Variants in GABRG2 observed in about 807,000 individuals in gnomAD.
GABRG2 encodes gamma-aminobutyric acid receptor subunit gamma-2.
A neutral mutation model predicts 56.4 loss-of-function variants in GABRG2; 16 were observed. The ratio of observed to expected loss-of-function variants is 0.28; its 90% CI spans 0.19 to 0.43. GABRG2 has a LOEUF of 0.43. Among genes scored for constraint, GABRG2 ranks in the 20% least tolerant of loss-of-function variants. The pLI, the probability that GABRG2 is intolerant of heterozygous loss-of-function variation, is 1.00. For missense variants in GABRG2, 327 were observed against 582.7 expected (o/e 0.56, Z 4.52); for synonymous variants, 208 against 205.5 (o/e 1.01, Z -0.10).
chr5:162,092,035 G>A (rs1760641348), intron 1 of GABRG2, among the ~76,000 whole-genome samples: 1 of 152,066 alleles, frequency 6.6e-6, no homozygotes, highest in Non-Finnish European at 1.5e-5. Flanking sequence ...TTATTGGAGG[G>A]ATTTGAAAAT....
chr5:162,081,897 A>G lies in GABRG2; in HGVS notation c.108-11931A>G, dbSNP rs574390568. ...CATACACCTAACATATTACACAGTAATTCCATGCCTAAATATTTACATGGG... is the reference window on the plus strand; with the variant it reads ...CATACACCTAACATATTACACAGTAGTTCCATGCCTAAATATTTACATGGG... On this transcript the variant is annotated intron_variant, in intron 1 of 9. Coordinates refer to ENST00000639213, the MANE Select transcript of GABRG2 (RefSeq NM_198904.4). Among the ~76,000 whole-genome samples, 7 of 152,092 alleles carry G rather than the reference A, an allele frequency of 4.6e-5. No homozygotes were observed. In the East Asian group the frequency reaches 1.3e-3, roughly 29 times the overall value.
At chr5:162,080,885 T>A (rs1429834653) in intron 1 of GABRG2, among the ~76,000 whole-genome samples, 1 of 152,198 alleles carries the variant, frequency 6.6e-6, no homozygotes, top group Non-Finnish European at 1.5e-5. Context: ...GGCATTGTAA[T>A]GAAATAATTG....
chr5:162,076,692 C>G (rs1273278427), intron 1 of GABRG2, among the ~76,000 whole-genome samples: 1 of 152,128 alleles, frequency 6.6e-6, no homozygotes, highest in East Asian at 1.9e-4. Flanking sequence ...GGTTGCTACT[C>G]TTGATGGTCA....
intron 1 of GABRG2, among the ~76,000 whole-genome samples, chr5:162,079,570 A>C (rs968918365): frequency 7.9e-5 from 12 of 152,024 alleles, no homozygotes; most frequent in African/African-American, 2.7e-4. Flanking sequence ...AGGCAAACAT[A>C]ATCCTTGCTC....
chr5:162,149,436 G>A (rs1174536838), intron 8 of GABRG2, 123 bp downstream of exon 8: 2 of 860,344 alleles, frequency 2.3e-6, no homozygotes, highest in African/African-American at 1.7e-5. Flanking sequence ...CAGCATGTAT[G>A]AGTTTAGCCA....
chr5:162,101,940 AC>A (rs1761450874), intron 5 of GABRG2: 2 of 154,936 alleles, frequency 1.3e-5, no homozygotes, highest in Admixed American at 6.3e-5. Flanking sequence ...ATTTCCCAAA[AC>A]ATTTTCCTTA....
At chr5:162,144,967 A>T (rs2113612545) in intron 7 of GABRG2, among the ~76,000 whole-genome samples, 1 of 152,336 alleles carries the variant, frequency 6.6e-6, no homozygotes, top group South Asian at 2.1e-4. Flanking sequence ...TGAAAAACAA[A>T]CAAACAAAAA....
At chr5:162,085,558 CTT>C (rs1554097166) in intron 1 of GABRG2, among the ~76,000 whole-genome samples, 1 of 135,468 alleles carries the variant, frequency 7.4e-6, no homozygotes, top group Admixed American at 7.3e-5. Context: ...TTTTTTTCTT[CTT>C]TTTTTTTTTA....
chr5:162,149,382 T>G, intron 8 of GABRG2, 69 bp downstream of exon 8: 1 of 1,447,772 alleles, frequency 6.9e-7, no homozygotes, highest in Non-Finnish European at 9.6e-7. Flanking sequence ...TTCATTAGCC[T>G]ATCTGCAGGC....
At chr5:162,109,336 A>G (rs1762068413) in intron 6 of GABRG2, among the ~76,000 whole-genome samples, 1 of 149,336 alleles carries the variant, frequency 6.7e-6, no homozygotes, top group Admixed American at 6.7e-5. Flanking sequence ...ACACTTGTAT[A>G]CATATGTAAC....
rs368101190 is a variant in GABRG2, at chr5:162,136,695, C to T, written c.770-5469C>T. On this transcript the variant is annotated intron_variant, in intron 6 of 9. Coordinates refer to ENST00000639213, the MANE Select transcript of GABRG2 (RefSeq NM_198904.4). ...AAAGACCTAGGTTAAATTTAGATTACCCATAGCCTTGATGCCAGGTTTAGA... is the reference window on the plus strand; with the variant it reads ...AAAGACCTAGGTTAAATTTAGATTATCCATAGCCTTGATGCCAGGTTTAGA... Among the ~76,000 whole-genome samples, 224 of 152,216 alleles carry T rather than the reference C, an allele frequency of 1.5e-3. 3 individuals are homozygous for T. Among genetic ancestry groups the T allele is most frequent in the African/African-American group, 5.3e-3 (219 of 41,532 alleles).
At chr5:162,075,169 T>C (rs1758995579) in intron 1 of GABRG2, among the ~76,000 whole-genome samples, 1 of 152,200 alleles carries the variant, frequency 6.6e-6, no homozygotes, top group African/African-American at 2.4e-5. Context: ...TTCTTAGCAG[T>C]GTACCACATC....
In GABRG2 at chr5:162,068,012, A is replaced by T. The variant is rs774337016; in HGVS notation, c.13A>T (p.Asn5Tyr). The T allele has an allele frequency of 6.2e-7, 1 of 1,612,966 alleles. No individual in the cohort carries two copies. Among genetic ancestry groups the T allele is most frequent in the African/African-American group, 1.3e-5 (1 of 74,868 alleles). Reference protein sequence around the residue: MSSPNIWSTGSSVYS... With the variant: MSSPYIWSTGSSVYS... ...AAAAAAAAAAGCGATGAGTTCGCCA[A>T]ATATATGGAGCACAGGAAGCTCAGT... The change falls in exon 1 of 10, where the codon AAT becomes TAT. Residue 5 changes from asparagine to tyrosine, a missense_variant. Physicochemically the swap from Asn to Tyr is moderately radical, Grantham distance 143. Around this residue, in one of 4 missense-constraint regions of GABRG2, gnomAD observed 73 missense variants for 72.2 expected, o/e 1.01. Coordinates refer to ENST00000639213, the MANE Select transcript of GABRG2 (RefSeq NM_198904.4).
rs1765564468 is a variant in GABRG2 at position 162,154,141 on chromosome 5, T to C, written c.*773T>C. 6.6e-6 allele frequency: 1 copy of C among 152,246 alleles called. No homozygotes were observed. Among genetic ancestry groups the C allele is most frequent in the African/African-American group, 2.4e-5 (1 of 41,456 alleles). The allele number at this position is 152,246 out of a possible 1,614,324, so 9.4% of individuals were successfully genotyped here. ...GCTTATTTTTTCCTTGTATGACATA[T>C]TACAACACTTTAAGTAAAATATAGA... On this transcript the variant is annotated 3_prime_UTR_variant, in exon 10 of 10. Transcript: ENST00000639213.
At chr5:162,152,062 C>T in intron 9 of GABRG2, 1 of 296,446 alleles carries the variant, frequency 3.4e-6, no homozygotes, top group Non-Finnish European at 6.2e-6. Flanking sequence ...TTGAGTCTTA[C>T]TGATTACGAC....
intron 1 of GABRG2, among the ~76,000 whole-genome samples, chr5:162,079,174 A>G (rs1759442272): frequency 6.6e-6 from 1 of 152,120 alleles, no homozygotes; most frequent in Non-Finnish European, 1.5e-5. Context: ...TCCATGGTCC[A>G]TGATGGAAGT....
intron 6 of GABRG2, among the ~76,000 whole-genome samples, chr5:162,104,521 G>T (rs992574843): frequency 1.3e-5 from 2 of 152,102 alleles, no homozygotes; most frequent in East Asian, 1.9e-4. Context: ...AATTCCAATT[G>T]CATCAGTTAT....
intron 2 of GABRG2, 108 bp downstream of exon 2, chr5:162,094,087 A>G (rs949823170): frequency 5.6e-6 from 7 of 1,257,226 alleles, no homozygotes; most frequent in Non-Finnish European, 8.1e-6. Context: ...TTTAAATTAT[A>G]CTTTTTTATA....
intron 1 of GABRG2, among the ~76,000 whole-genome samples, chr5:162,093,017 C>T (rs2113291962): frequency 6.6e-6 from 1 of 152,190 alleles, no homozygotes. Flanking sequence ...CTTCCAGAGT[C>T]ATTCTCAGGT....
Sources: gnomAD v4.1 joint callset for allele counts (sites outside exome capture counted in the v4.1 genomes callset) on GRCh38, gnomAD v4.1.1 for gene constraint, gnomAD v4.1.1 regional missense constraint, MANE v1.5 for transcripts, NCBI Gene and HGNC (gene_info 2026-07-23, HGNC 2026-07-21) for gene names.